CFAP20DC: variants seen among roughly 807,000 people sequenced by gnomAD.
The protein encoded by CFAP20DC is CFAP20 domain containing, also known as protein CFAP20DC.
In CFAP20DC, 84 loss-of-function variants were observed where a neutral mutation model predicts 101.7. That is an observed-to-expected ratio of 0.83 (90% CI 0.69 to 0.99). CFAP20DC has a LOEUF of 0.99. CFAP20DC is among the 50% of genes least tolerant of loss of function. The probability of loss-of-function intolerance (pLI) is 0.00; values close to 1 mark genes in which losing one functional copy is unlikely to be tolerated. For missense variants in CFAP20DC, 1,007 were observed against 970.3 expected (o/e 1.04, Z -0.50); for synonymous variants, 359 against 351.2 (o/e 1.02, Z -0.25).
At chr3:58,801,341 C>T (rs1229266491) in intron 15 of CFAP20DC, among the ~76,000 whole-genome samples, 2 of 152,272 alleles carry the variant, frequency 1.3e-5, no homozygotes, top group East Asian at 3.9e-4. Flanking sequence ...GTGCAAAAAT[C>T]TGGATAACAG....
Position 58,897,154 on chromosome 3 carries a change from T to C in CFAP20DC, c.551-12445A>G, listed in dbSNP as rs2082733409. On this transcript the variant is annotated intron_variant, in intron 6 of 16. Coordinates refer to ENST00000482387, the MANE Select transcript of CFAP20DC (RefSeq NM_001394063.1). This position sits in a 1 kb window ranked among gnomAD's most constrained non-coding sequence, Gnocchi z 4.4. ...TACATAATGCCCTTCTTTGTCTTTT[T>C]TGATATTTGTTGGTTTAAAGTCTAT... Among the ~76,000 whole-genome samples, 1 of 152,208 alleles carries C rather than the reference T, an allele frequency of 6.6e-6. No individual in the cohort carries two copies. Among genetic ancestry groups the C allele is most frequent in the African/African-American group, 2.4e-5 (1 of 41,452 alleles).
At chr3:58,748,448 C>G (rs184203535) in intron 16 of CFAP20DC, among the ~76,000 whole-genome samples, 119 of 152,210 alleles carry the variant, frequency 7.8e-4, no homozygotes, top group Middle Eastern at 3.4e-3. Context: ...GAGTTCACTT[C>G]TAGTGGCCCT....
intron 7 of CFAP20DC, among the ~76,000 whole-genome samples, chr3:58,880,171 TAA>T (rs891048076): frequency 3.3e-5 from 5 of 152,148 alleles, no homozygotes; most frequent in African/African-American, 4.8e-5. Flanking sequence ...ATACTAGAAG[TAA>T]AAGTCTTTTC....
At chr3:58,870,894 C>CA (rs548763648) in intron 7 of CFAP20DC, among the ~76,000 whole-genome samples, 1,734 of 18,946 alleles carry the variant, frequency 0.092, 459 homozygotes, top group Non-Finnish European at 0.21. Context: ...GACTCCGTCT[C>CA]AAAAAAAAAA....
rs2067587413 is a variant in CFAP20DC at position 58,728,456 on chromosome 3, A to G, written c.198-10828T>C. Among the ~76,000 whole-genome samples the G allele has an allele frequency of 6.6e-6, 1 of 152,230 alleles. No homozygotes were observed. Among genetic ancestry groups the G allele is most frequent in the African/African-American group, 2.4e-5 (1 of 41,466 alleles). ...TATTCAGACCTTTACGTGATTTGTA[A>G]AAACTTCACATGGCTGCAAGAGAAG... On this transcript the variant is annotated intron_variant, in intron 3 of 3. Coordinates refer to the CFAP20DC transcript ENST00000486145. The surrounding 1 kb of genome is among the most constrained non-coding windows in gnomAD (Gnocchi z 4.7).
intron 4 of CFAP20DC, among the ~76,000 whole-genome samples, chr3:59,023,457 G>T (rs534432939): frequency 1.2e-4 from 19 of 152,164 alleles, no homozygotes; most frequent in African/African-American, 4.3e-4. Context: ...AACGATTAGG[G>T]TTCAAAAAGT....
chr3:58,926,632 C>T (rs186398083), intron 5 of CFAP20DC, among the ~76,000 whole-genome samples: 122 of 152,314 alleles, frequency 8.0e-4, no homozygotes, highest in Non-Finnish European at 1.1e-3. Context: ...CAAACTTCTA[C>T]ATCATTGGCT....
chr3:58,719,842 C>A (rs947220645), intron 3 of CFAP20DC, among the ~76,000 whole-genome samples: 1 of 152,206 alleles, frequency 6.6e-6, no homozygotes, highest in African/African-American at 2.4e-5. Flanking sequence ...AGTCCACATT[C>A]CAGTAGACAG....
At chr3:58,889,831 T>C (rs1354086152) in intron 6 of CFAP20DC, among the ~76,000 whole-genome samples, 2 of 129,102 alleles carry the variant, frequency 1.5e-5, no homozygotes, top group Non-Finnish European at 3.3e-5. Context: ...TAACCCTGAG[T>C]GGACACAGCA....
Position 58,912,514 on chromosome 3 carries a change from A to G in CFAP20DC, c.550+1194T>C, listed in dbSNP as rs17059946. On this transcript the variant is annotated intron_variant, in intron 6 of 16. Transcript: ENST00000482387. The surrounding 1 kb of genome is among the most constrained non-coding windows in gnomAD (Gnocchi z 4.4). The stretch of plus-strand genomic sequence containing the variant: ...CCACATCAAGATTTCTCAGGCACAC[A>G]CCCAGATGGAGCACAAATCTGAAGT... 0.052 allele frequency: 17,074 copies of G among 325,490 alleles called. 2,754 individuals carry two copies. The highest frequency in any genetic ancestry group is 0.34 in the African/African-American group (15,678 of 45,522). 20.2% of individuals were successfully genotyped at this position (325,490 alleles called of 1,614,324 possible). A position where few individuals can be genotyped will look rare whatever the true frequency, so the allele number is the denominator to read the frequency against.
At chr3:59,008,130 A>G (rs1316436227) in intron 4 of CFAP20DC, among the ~76,000 whole-genome samples, 1 of 152,186 alleles carries the variant, frequency 6.6e-6, no homozygotes, top group Non-Finnish European at 1.5e-5. Context: ...GCCCCACAGA[A>G]GAAGCACACC....
intron 15 of CFAP20DC, among the ~76,000 whole-genome samples, chr3:58,772,191 T>C (rs1029578587): frequency 1.3e-5 from 2 of 152,170 alleles, no homozygotes; most frequent in African/African-American, 4.8e-5. Context: ...ATAAGGAATA[T>C]TTTAGATTAT....
intron 3 of CFAP20DC, among the ~76,000 whole-genome samples, chr3:58,723,310 C>T (rs1194133522): frequency 6.6e-6 from 1 of 152,156 alleles, no homozygotes; most frequent in Non-Finnish European, 1.5e-5. Flanking sequence ...GTAGAGGTTC[C>T]TCCACCTTTC....
At chr3:58,901,260 G>A (rs2107120113) in intron 6 of CFAP20DC, among the ~76,000 whole-genome samples, 1 of 152,278 alleles carries the variant, frequency 6.6e-6, no homozygotes, top group East Asian at 1.9e-4. Context: ...CATTTGCCAT[G>A]TAACTCTCAG....
At chr3:58,938,162 T>C (rs373140495) in intron 4 of CFAP20DC, among the ~76,000 whole-genome samples, 208 of 152,334 alleles carry the variant, frequency 1.4e-3, no homozygotes, top group African/African-American at 4.7e-3. Context: ...TGGGTTTCTT[T>C]CCCTAAAAAT....
At chr3:59,024,668 C>T (rs1683029075) in intron 4 of CFAP20DC, among the ~76,000 whole-genome samples, 1 of 152,140 alleles carries the variant, frequency 6.6e-6, no homozygotes, top group African/African-American at 2.4e-5. Flanking sequence ...GAGACACCAG[C>T]CCTTCCCAAA....
intron 3 of CFAP20DC, among the ~76,000 whole-genome samples, chr3:59,041,970 T>C (rs1371378020): frequency 6.6e-6 from 1 of 152,160 alleles, no homozygotes; most frequent in Non-Finnish European, 1.5e-5. Flanking sequence ...AAATAAGACA[T>C]ACATGCTCTC....
chr3:58,921,907 T>C (rs1481770471), intron 5 of CFAP20DC, among the ~76,000 whole-genome samples: 1 of 152,232 alleles, frequency 6.6e-6, no homozygotes, highest in Non-Finnish European at 1.5e-5. Flanking sequence ...TTTAGCACTG[T>C]TATATCTTCT....
intron 15 of CFAP20DC, among the ~76,000 whole-genome samples, chr3:58,784,459 C>G (rs367857726): frequency 6.6e-6 from 1 of 152,022 alleles, no homozygotes; most frequent in African/African-American, 2.4e-5. Context: ...TACCCCAAAC[C>G]TCAGCATCAT....
Sources: allele counts gnomAD v4.1 joint callset (sites outside exome capture counted in the v4.1 genomes callset), GRCh38; gene constraint gnomAD v4.1.1; non-coding constraint Gnocchi (gnomAD v3.1); transcripts MANE v1.5; gene names NCBI Gene and HGNC (gene_info 2026-07-23, HGNC 2026-07-21).